The following GRIP2 variants were observed in gnomAD, a reference collection of about 807,000 sequenced individuals.
GRIP2 encodes the protein glutamate receptor-interacting protein 2.
A neutral mutation model predicts 108.3 loss-of-function variants in GRIP2; 58 were observed. The ratio of observed to expected loss-of-function variants is 0.54; its 90% CI spans 0.43 to 0.67. The LOEUF is 0.67. Ranked by LOEUF, GRIP2 falls within the 30% of genes least tolerant of loss-of-function variation. GRIP2 has a pLI of 0.00. For missense variants in GRIP2, 1,278 were observed against 1,430.6 expected (o/e 0.89, Z 1.72); for synonymous variants, 586 against 598.2 (o/e 0.98, Z 0.30).
chr3:14,517,718 C>G, intron 10 of GRIP2, 54 bp downstream of exon 10: 3 of 1,597,896 alleles, frequency 1.9e-6, no homozygotes, highest in Non-Finnish European at 2.6e-6. Flanking sequence ...GCATCGCCCC[C>G]TCCCTAGGAA....
intron 21 of GRIP2, 113 bp downstream of exon 21, chr3:14,503,453 G>A (rs868220740): frequency 2.3e-5 from 17 of 725,352 alleles, no homozygotes; most frequent in Admixed American, 2.3e-4. Context: ...GAGTGCATAC[G>A]TACACATTAC....
chr3:14,523,323 AT>A, intron 5 of GRIP2: 1 of 569,798 alleles, frequency 1.8e-6, no homozygotes. Flanking sequence ...ACCTCACCTT[AT>A]TTCCCCTTTT....
In GRIP2 at chr3:14,522,733, A is replaced by T; in HGVS notation, c.566+267T>A. On this transcript the variant is annotated intron_variant, in intron 6 of 23. Coordinates refer to ENST00000621039, the MANE Select transcript of GRIP2 (RefSeq NM_001080423.4). The surrounding 1 kb of genome is among the most constrained non-coding windows in gnomAD (Gnocchi z 4.3). ...GGGAAAACCAAGGAGCAGGAAAGGGAAGAACGACACCAAGGCTGCCCCTCT... is the reference window on the plus strand; with the variant it reads ...GGGAAAACCAAGGAGCAGGAAAGGGTAGAACGACACCAAGGCTGCCCCTCT... The T allele has an allele frequency of 2.1e-6, 1 of 468,150 alleles. No individual in the cohort carries two copies. The highest frequency in any genetic ancestry group is 3.9e-6 in the Non-Finnish European group (1 of 259,310). The allele number at this position is 468,150 out of a possible 1,614,324, so 29.0% of individuals were successfully genotyped here.
chr3:14,522,968 G>C lies in GRIP2; in HGVS notation c.566+32C>G, dbSNP rs1222735451. 1.3e-6 allele frequency: 2 copies of C among 1,590,128 alleles called. No individual in the cohort carries two copies. The highest frequency in any genetic ancestry group is 3.3e-5 in the Admixed American group (2 of 60,000). On this transcript the variant is annotated intron_variant, in intron 6 of 23. Coordinates refer to ENST00000621039, the MANE Select transcript of GRIP2 (RefSeq NM_001080423.4). The surrounding 1 kb of genome is among the most constrained non-coding windows in gnomAD (Gnocchi z 4.3). ...CGCAGGGGAGTTGGGGCAGGTCAGTGCAGTGTGTGGATTTCTTCTGCCTCG... is the reference window on the plus strand; with the variant it reads ...CGCAGGGGAGTTGGGGCAGGTCAGTCCAGTGTGTGGATTTCTTCTGCCTCG...
chr3:14,539,400 C>T (rs1694907146), intron 1 of GRIP2, among the ~76,000 whole-genome samples: 1 of 152,138 alleles, frequency 6.6e-6, no homozygotes, highest in South Asian at 2.1e-4. Flanking sequence ...CCACTGGGCC[C>T]TCAGAAGCAG....
intron 20 of GRIP2, chr3:14,503,873 A>C: frequency 1.7e-6 from 1 of 585,934 alleles, no homozygotes; most frequent in Non-Finnish European, 3.0e-6. Context: ...GGAAAGACGC[A>C]GTTAGGGGCG....
rs762560765 is a variant in GRIP2 at position 14,521,678 on chromosome 3, C to T, written c.676G>A (p.Ala226Thr). 3 of 1,611,890 alleles carry T rather than the reference C, an allele frequency of 1.9e-6. No individual in the cohort carries two copies. The highest frequency in any genetic ancestry group is 2.5e-6 in the Non-Finnish European group (3 of 1,179,106). The change falls in exon 7 of 24, where the codon GCA (alanine) becomes ACA (threonine). Residue 226 changes from alanine to threonine, a missense_variant. By Grantham distance (58) the Ala-to-Thr change is moderately conservative. Coordinates refer to ENST00000621039, the MANE Select transcript of GRIP2 (RefSeq NM_001080423.4). This position sits in a 1 kb window ranked among gnomAD's most constrained non-coding sequence, Gnocchi z 5.1. The part of the protein sequence containing the change: ...LATLRQCSHE[A>T]LFQVEYDVAT... ...ACATCATACTCCACCTGAAAGAGTG[C>T]CTCGTGGCTGCACTGCCGCAGGGTG...
chr3:14,544,021 C>T (rs1031178885), upstream of GRIP2, among the ~76,000 whole-genome samples: 1 of 152,228 alleles, frequency 6.6e-6, no homozygotes, highest in Non-Finnish European at 1.5e-5. Flanking sequence ...AAGTCTCAAA[C>T]TAACGCCGTC....
At chr3:14,572,087 C>T in the GRIP2 span, among the ~76,000 whole-genome samples, 1 of 152,074 alleles carries the variant, frequency 6.6e-6, no homozygotes, top group Non-Finnish European at 1.5e-5. Context: ...CTGCTGATTC[C>T]ACTTGAGGGT....
chr3:14,579,624 G>A, the GRIP2 span, among the ~76,000 whole-genome samples: 1 of 152,040 alleles, frequency 6.6e-6, no homozygotes, highest in African/African-American at 2.4e-5. Flanking sequence ...CCACCAAGAT[G>A]AGAACGCCAC....
upstream of GRIP2, among the ~76,000 whole-genome samples, chr3:14,546,052 G>A (rs944344620): frequency 6.6e-6 from 1 of 152,194 alleles, no homozygotes; most frequent in Non-Finnish European, 1.5e-5. Flanking sequence ...GGTGGTCAGG[G>A]AGAGGCTCTC....
the GRIP2 span, among the ~76,000 whole-genome samples, chr3:14,589,884 C>T: frequency 1.3e-5 from 2 of 151,506 alleles, no homozygotes; most frequent in South Asian, 4.2e-4. Context: ...ATCTCAACCT[C>T]CCTGCTCAAG....
At chr3:14,518,044 C>T in intron 9 of GRIP2, 147 bp from the exon 10 acceptor site, 1 of 966,600 alleles carries the variant, frequency 1.0e-6, no homozygotes. Context: ...GTCCCGGACG[C>T]CTACAATGTG....
At chr3:14,590,338 T>A in the GRIP2 span, among the ~76,000 whole-genome samples, 1 of 152,242 alleles carries the variant, frequency 6.6e-6, no homozygotes, top group Admixed American at 6.5e-5. Context: ...TTATCTGGGA[T>A]GTAGGTTGTA....
upstream of GRIP2, among the ~76,000 whole-genome samples, chr3:14,545,072 G>A (rs954517898): frequency 6.6e-6 from 1 of 152,216 alleles, no homozygotes; most frequent in African/African-American, 2.4e-5. Context: ...CACAGGCCAA[G>A]GAGGCTCCGA....
chr3:14,508,992 C>T (rs9878341), intron 17 of GRIP2, among the ~76,000 whole-genome samples: 20,762 of 152,158 alleles, frequency 0.14, 1,729 homozygotes, highest in African/African-American at 0.22. Flanking sequence ...AGGCACACAG[C>T]AGGTGCCCAG....
chr3:14,550,725 T>A (rs1280688688), intron 1 of GRIP2, among the ~76,000 whole-genome samples: 1 of 152,092 alleles, frequency 6.6e-6, no homozygotes, highest in Non-Finnish European at 1.5e-5. Flanking sequence ...TTCACCTCCA[T>A]CCCCAGCTTG....
chr3:14,525,945 A>G lies in GRIP2; in HGVS notation c.41-14T>C, dbSNP rs1359797251. On this transcript the variant is annotated splice_polypyrimidine_tract_variant and intron_variant, in intron 1 of 23. Coordinates refer to ENST00000621039, the MANE Select transcript of GRIP2 (RefSeq NM_001080423.4). ...AGGGCCCATCGTCTGCAGGAGAGAA[A>G]GAGGGAAAGGCCGAGTTCCACTTTC... 6.4e-7 allele frequency: 1 copy of G among 1,552,546 alleles called. No homozygotes were observed. The highest frequency in any genetic ancestry group is 1.4e-5 in the African/African-American group (1 of 73,180).
At chr3:14,529,942 T>C (rs1043727065) in intron 1 of GRIP2, among the ~76,000 whole-genome samples, 9 of 152,236 alleles carry the variant, frequency 5.9e-5, no homozygotes, top group African/African-American at 2.2e-4. Context: ...ATTACCCTGA[T>C]ATCAATGATT....
Sources: gnomAD v4.1 joint callset for allele counts (sites outside exome capture counted in the v4.1 genomes callset) on GRCh38, gnomAD v4.1.1 for gene constraint, Gnocchi (gnomAD v3.1) non-coding constraint, MANE v1.5 for transcripts, NCBI Gene and HGNC (gene_info 2026-07-23, HGNC 2026-07-21) for gene names.